The following ST6GALNAC5 variants were observed in gnomAD, a reference collection of about 807,000 sequenced individuals.
ST6GALNAC5 encodes the protein ST6 N-acetylgalactosaminide alpha-2,6-sialyltransferase 5.
Under a neutral mutation model 33.6 loss-of-function variants are expected in ST6GALNAC5, and 27 were observed. The observed-to-expected ratio is 0.80, with a 90% confidence interval of 0.59 to 1.11. The LOEUF is 1.11. Among genes scored for constraint, ST6GALNAC5 ranks in the 50% least tolerant of loss-of-function variants. The probability of loss-of-function intolerance (pLI) is 0.00; values close to 1 mark genes in which losing one functional copy is unlikely to be tolerated. For missense variants in ST6GALNAC5, 428 were observed against 454.0 expected (o/e 0.94, Z 0.52); for synonymous variants, 194 against 171.2 (o/e 1.13, Z -1.04).
chr1:76,880,035 G>T (rs1157974289), intron 2 of ST6GALNAC5, among the ~76,000 whole-genome samples: 1 of 152,136 alleles, frequency 6.6e-6, no homozygotes, highest in Non-Finnish European at 1.5e-5. Flanking sequence ...CAGATTTAAG[G>T]CTCAGTATCT....
In ST6GALNAC5 at chr1:77,055,348, C is replaced by G. The variant is rs191899898; in HGVS notation, c.779+4983C>G. 1.3e-3 allele frequency among the ~76,000 whole-genome samples: 193 copies of G among 152,354 alleles called. 1 individual carries two copies. Among genetic ancestry groups the G allele is most frequent in the Non-Finnish European group, 2.2e-3 (147 of 68,034 alleles). On this transcript the variant is annotated intron_variant, in intron 4 of 4. Transcript: ENST00000477717. ...CTCAGTTTGGACTGCCCATCCCCTA[C>G]TTCCTTAAGCTGGCTGGTTTTCCAC...
At position 76,868,840 on chromosome 1, in the gene ST6GALNAC5, G is replaced by C; in HGVS notation, c.261+98G>C. The C allele has an allele frequency of 2.1e-6, 3 of 1,423,990 alleles. No individual in the cohort carries two copies. Among genetic ancestry groups the C allele is most frequent in the Non-Finnish European group, 2.7e-6 (3 of 1,094,794 alleles). The allele number at this position is 1,423,990 out of a possible 1,614,324, so 88.2% of individuals were successfully genotyped here. The stretch of plus-strand genomic sequence containing the variant: ...CGGGGCTGGGAGGCGCTGTGAGTAG[G>C]TGCCGTTCGAAGGCTGGAGGGGAGT... On this transcript the variant is annotated intron_variant, in intron 2 of 4. Coordinates refer to ENST00000477717, the MANE Select transcript of ST6GALNAC5 (RefSeq NM_030965.3). The surrounding 1 kb of genome is among the most constrained non-coding windows in gnomAD (Gnocchi z 4.3).
At chr1:76,982,622 A>G (rs780616470) in intron 2 of ST6GALNAC5, among the ~76,000 whole-genome samples, 3 of 152,252 alleles carry the variant, frequency 2.0e-5, no homozygotes, top group Non-Finnish European at 4.4e-5. Flanking sequence ...TCCCTAACCT[A>G]GCAAGGCAGG....
At chr1:76,943,194 C>T (rs1647396558) in intron 2 of ST6GALNAC5, among the ~76,000 whole-genome samples, 1 of 152,080 alleles carries the variant, frequency 6.6e-6, no homozygotes. Context: ...GAGATAGGTG[C>T]TATTATTCCC....
intron 2 of ST6GALNAC5, among the ~76,000 whole-genome samples, chr1:76,972,900 A>G (rs966443403): frequency 2.0e-5 from 3 of 152,032 alleles, no homozygotes; most frequent in Non-Finnish European, 4.4e-5. Flanking sequence ...TTTTTTTGTA[A>G]TTATGAGTGA....
intron 2 of ST6GALNAC5, among the ~76,000 whole-genome samples, chr1:76,971,386 C>A (rs757258640): frequency 6.6e-6 from 1 of 151,974 alleles, no homozygotes. Context: ...AGCACACTTG[C>A]GTGGGATATT....
At chr1:77,025,594 G>A (rs138629699) in intron 2 of ST6GALNAC5, among the ~76,000 whole-genome samples, 158 of 152,300 alleles carry the variant, frequency 1.0e-3, no homozygotes, top group South Asian at 3.3e-3. Flanking sequence ...GGAACATGGG[G>A]TGCATCTGTA....
At chr1:76,978,585 G>C (rs372039479) in intron 2 of ST6GALNAC5, among the ~76,000 whole-genome samples, 1 of 152,108 alleles carries the variant, frequency 6.6e-6, no homozygotes, top group Non-Finnish European at 1.5e-5. Flanking sequence ...GTCCTTTAAC[G>C]ACAAAAACTC....
In ST6GALNAC5 at chr1:76,972,796, G is replaced by A. The variant is rs1465317938; in HGVS notation, c.262-71408G>A. ...TTTTGCACTCCCATCATCAATAATTGAGTCTGCTTATTTTTACCTATCCTC... is the reference window on the plus strand; with the variant it reads ...TTTTGCACTCCCATCATCAATAATTAAGTCTGCTTATTTTTACCTATCCTC... On this transcript the variant is annotated intron_variant, in intron 2 of 4. Transcript: ENST00000477717. Among the ~76,000 whole-genome samples, 4 of 152,230 alleles carry A rather than the reference G, an allele frequency of 2.6e-5. No individual in the cohort carries two copies. The East Asian group carries it at 7.7e-4, about 29-fold the overall frequency.
intron 2 of ST6GALNAC5, among the ~76,000 whole-genome samples, chr1:76,950,386 C>A (rs913132092): frequency 2.0e-5 from 3 of 151,744 alleles, no homozygotes; most frequent in Non-Finnish European, 4.4e-5. Context: ...TTCTTTAGTC[C>A]CAACTTATAG....
chr1:76,913,015 C>G (rs368651637), intron 2 of ST6GALNAC5, among the ~76,000 whole-genome samples: 98 of 152,048 alleles, frequency 6.4e-4, no homozygotes, highest in Non-Finnish European at 2.5e-4. Flanking sequence ...TCCTAGTCTC[C>G]ATGGTCTTTA....
At chr1:77,008,569 T>G (rs1457787032) in intron 2 of ST6GALNAC5, among the ~76,000 whole-genome samples, 2 of 152,104 alleles carry the variant, frequency 1.3e-5, no homozygotes, top group Non-Finnish European at 2.9e-5. Context: ...TCACTCTGCC[T>G]CCTAGGCTGG....
intron 2 of ST6GALNAC5, among the ~76,000 whole-genome samples, chr1:76,969,540 G>A (rs528932130): frequency 7.9e-5 from 12 of 152,290 alleles, no homozygotes; most frequent in African/African-American, 2.4e-4. Context: ...CAAACTGGGC[G>A]GAGCCTACCA....
intron 2 of ST6GALNAC5, among the ~76,000 whole-genome samples, chr1:76,909,807 A>G (rs373890571): frequency 3.9e-4 from 60 of 152,244 alleles, no homozygotes; most frequent in African/African-American, 1.3e-3. Context: ...ATCATTGAAA[A>G]TGATATATAC....
chr1:77,010,700 G>A (rs902337519), intron 2 of ST6GALNAC5, among the ~76,000 whole-genome samples: 14 of 114,026 alleles, frequency 1.2e-4, no homozygotes, highest in Non-Finnish European at 1.9e-4. Context: ...TCTGACAATC[G>A]TTTGACCCTG....
intron 2 of ST6GALNAC5, among the ~76,000 whole-genome samples, chr1:76,930,064 TA>T (rs1185951226): frequency 6.6e-6 from 1 of 152,180 alleles, no homozygotes; most frequent in Admixed American, 6.5e-5. Flanking sequence ...ATTATTTTGC[TA>T]TTTGAAAGTC....
chr1:77,057,725 G>A (rs1175806966), intron 4 of ST6GALNAC5, among the ~76,000 whole-genome samples: 1 of 152,174 alleles, frequency 6.6e-6, no homozygotes, highest in African/African-American at 2.4e-5. Flanking sequence ...ACAGTGAAGG[G>A]AGGTGAAAGT....
chr1:76,868,361 G>T lies in ST6GALNAC5; in HGVS notation c.16-136G>T. On this transcript the variant is annotated intron_variant, in intron 1 of 4. Coordinates refer to ENST00000477717, the MANE Select transcript of ST6GALNAC5 (RefSeq NM_030965.3). The surrounding 1 kb of genome is among the most constrained non-coding windows in gnomAD (Gnocchi z 4.3). The stretch of plus-strand genomic sequence containing the variant: ...ACGGTGCTTTCTCTGTCCCAGTTGC[G>T]TGCGGCGGGGCTGGGGCCCAGGCCG... 7 of 1,323,960 alleles carry T rather than the reference G, an allele frequency of 5.3e-6. 1 individual carries two copies. In the South Asian group the frequency reaches 1.1e-4, roughly 21 times the overall value. The allele number at this position is 1,323,960 out of a possible 1,614,324, so 82.0% of individuals were successfully genotyped here. A position where few individuals can be genotyped will look rare whatever the true frequency, so the allele number is the denominator to read the frequency against.
intron 2 of ST6GALNAC5, among the ~76,000 whole-genome samples, chr1:76,919,881 T>C (rs1240903338): frequency 1.3e-5 from 2 of 152,050 alleles, no homozygotes; most frequent in Non-Finnish European, 2.9e-5. Flanking sequence ...ATGAATCTTT[T>C]AGCCTTGTAC....
Sources: gnomAD v4.1 joint callset for allele counts (sites outside exome capture counted in the v4.1 genomes callset) on GRCh38, gnomAD v4.1.1 for gene constraint, Gnocchi (gnomAD v3.1) non-coding constraint, MANE v1.5 for transcripts, NCBI Gene and HGNC (gene_info 2026-07-23, HGNC 2026-07-21) for gene names.